HIPK2: variants seen among roughly 807,000 people sequenced by gnomAD.
HIPK2 encodes the protein homeodomain interacting protein kinase 2, also known as homeodomain-interacting protein kinase 2.
HIPK2 carries 27 observed loss-of-function variants against 113.7 expected under a neutral mutation model. The observed-to-expected ratio is 0.24, with a 90% CI of 0.17 to 0.33. The LOEUF is 0.33. Ranked by LOEUF, HIPK2 falls within the 10% of genes least tolerant of loss-of-function variation. The pLI, the probability that HIPK2 is intolerant of heterozygous loss-of-function variation, is 1.00. For synonymous variants in HIPK2, 631 were observed against 642.2 expected, an observed-to-expected ratio of 0.98 and a Z score of 0.26; for missense variants, 1,257 against 1,588.0, an observed-to-expected ratio of 0.79 and a Z score of 3.54.
chr7:139,576,954 C>T (rs1033842400), intron 13 of HIPK2, among the ~76,000 whole-genome samples: 1 of 152,298 alleles, frequency 6.6e-6, no homozygotes, highest in African/African-American at 2.4e-5. Context: ...CCCCATGTCC[C>T]TGTGCCTCAG....
chr7:139,604,281 A>G, intron 9 of HIPK2, 58 bp from the exon 10 acceptor site: 6 of 1,557,812 alleles, frequency 3.9e-6, no homozygotes, highest in Non-Finnish European at 5.2e-6. Context: ...ATTGATTTGC[A>G]TGAACCCACA....
At chr7:139,654,691 C>A (rs1801594233) in intron 2 of HIPK2, among the ~76,000 whole-genome samples, 1 of 152,066 alleles carries the variant, frequency 6.6e-6, no homozygotes, top group East Asian at 1.9e-4. Context: ...CAGTCAGTAG[C>A]AAGATAACAA....
chr7:139,711,773 C>T (rs1027471706), intron 2 of HIPK2, among the ~76,000 whole-genome samples: 4 of 151,720 alleles, frequency 2.6e-5, no homozygotes, highest in Non-Finnish European at 4.4e-5. Context: ...TAAAAACAAA[C>T]AAAATGAACT....
chr7:139,588,679 A>G (rs1798917832), intron 12 of HIPK2, among the ~76,000 whole-genome samples: 2 of 152,174 alleles, frequency 1.3e-5, no homozygotes, highest in African/African-American at 4.8e-5. Flanking sequence ...CTGGAGGCTG[A>G]GGACGAGGAG....
At position 139,593,472 on chromosome 7, in the gene HIPK2, G is replaced by T. The variant is rs1799093897; in HGVS notation, c.2717+3245C>A. On this transcript the variant is annotated intron_variant, in intron 12 of 14. Transcript: ENST00000406875. The stretch of plus-strand genomic sequence containing the variant: ...CTGTGCAACCAACAGTGCCACATAC[G>T]TGGGGTCAGGAATAATGATTTTGCA... 2.0e-5 allele frequency among the ~76,000 whole-genome samples: 3 copies of T among 152,212 alleles called. 1 individual carries two copies. The highest frequency in any genetic ancestry group is 4.1e-4 in the South Asian group (2 of 4,826).
intron 2 of HIPK2, among the ~76,000 whole-genome samples, chr7:139,663,005 T>A (rs1264580193): frequency 6.6e-6 from 1 of 152,168 alleles, no homozygotes; most frequent in Non-Finnish European, 1.5e-5. Context: ...GGGCTCTCCA[T>A]CATCAGACCC....
In HIPK2 at chr7:139,630,355, C is replaced by G. The variant is rs1485616645; in HGVS notation, c.1347+810G>C. Reference sequence around the variant, plus strand: ...CCCCTCTCCCTAACCCCCATCACCCCAGCCGCCACCCCACACTTCTATACT... The same window carrying G: ...CCCCTCTCCCTAACCCCCATCACCCGAGCCGCCACCCCACACTTCTATACT... On this transcript the variant is annotated intron_variant, in intron 4 of 14. Transcript: ENST00000406875. The surrounding 1 kb of genome is among the most constrained non-coding windows in gnomAD (Gnocchi z 4.0). 1.3e-5 allele frequency among the ~76,000 whole-genome samples: 2 copies of G among 152,116 alleles called. No homozygotes were observed. The highest frequency in any genetic ancestry group is 2.9e-5 in the Non-Finnish European group (2 of 68,018).
chr7:139,573,452 G>C, intron 14 of HIPK2, 55 bp from the exon 15 acceptor site: 1 of 1,535,562 alleles, frequency 6.5e-7, no homozygotes. Flanking sequence ...GGGGAGGAAG[G>C]AATGGGAGGA....
intron 1 of HIPK2, among the ~76,000 whole-genome samples, chr7:139,747,305 T>G (rs1796205500): frequency 6.6e-6 from 1 of 152,194 alleles, no homozygotes; most frequent in Non-Finnish European, 1.5e-5. Flanking sequence ...AAGTCTAGTA[T>G]GACAGACTCA....
chr7:139,584,278 T>A (rs1344595551), intron 12 of HIPK2, among the ~76,000 whole-genome samples: 1 of 152,088 alleles, frequency 6.6e-6, no homozygotes, highest in African/African-American at 2.4e-5. Context: ...GAGAAGGGGC[T>A]GGTGCTGGAC....
intron 9 of HIPK2, among the ~76,000 whole-genome samples, chr7:139,612,542 A>G (rs1014372946): frequency 1.3e-5 from 2 of 152,204 alleles, no homozygotes; most frequent in African/African-American, 4.8e-5. Context: ...CATTGTGGGG[A>G]TTAAATCAAT....
chr7:139,728,171 G>C (rs2117014298), intron 1 of HIPK2, among the ~76,000 whole-genome samples: 1 of 152,130 alleles, frequency 6.6e-6, no homozygotes, highest in Non-Finnish European at 1.5e-5. Flanking sequence ...TCGAACTCCT[G>C]GGCTCAAGCG....
At chr7:139,766,386 T>C (rs1042726012) in intron 1 of HIPK2, among the ~76,000 whole-genome samples, 11 of 152,376 alleles carry the variant, frequency 7.2e-5, no homozygotes, top group Admixed American at 7.2e-4. Context: ...CAAAGGGGAC[T>C]CATGGCTTGG....
intron 1 of HIPK2, among the ~76,000 whole-genome samples, chr7:139,754,167 G>C (rs2117118794): frequency 6.6e-6 from 1 of 152,352 alleles, no homozygotes; most frequent in East Asian, 1.9e-4. Flanking sequence ...AAACAGGCCT[G>C]AATGGGAGGG....
chr7:139,692,106 G>A (rs1001749360), intron 2 of HIPK2, among the ~76,000 whole-genome samples: 1 of 152,162 alleles, frequency 6.6e-6, no homozygotes, highest in African/African-American at 2.4e-5. Flanking sequence ...CAGCTTTTTG[G>A]TTTTCTAAAA....
At chr7:139,635,715 G>A (rs952838346) in intron 2 of HIPK2, among the ~76,000 whole-genome samples, 2 of 152,088 alleles carry the variant, frequency 1.3e-5, no homozygotes, top group African/African-American at 4.8e-5. Flanking sequence ...CTGATGCTGC[G>A]AAAGCCACAT....
intron 2 of HIPK2, among the ~76,000 whole-genome samples, chr7:139,649,893 T>C (rs1386098325): frequency 6.6e-6 from 1 of 152,118 alleles, no homozygotes; most frequent in Admixed American, 6.5e-5. Flanking sequence ...CAGACAGGGG[T>C]AAGCAGCAAG....
At chr7:139,653,623 G>A (rs1801544521) in intron 2 of HIPK2, among the ~76,000 whole-genome samples, 1 of 151,914 alleles carries the variant, frequency 6.6e-6, no homozygotes, top group Admixed American at 6.6e-5. Context: ...CTGGTGTGAT[G>A]AAAATCGCCA....
At chr7:139,625,906 G>T (rs1242499153) in intron 6 of HIPK2, among the ~76,000 whole-genome samples, 1 of 152,128 alleles carries the variant, frequency 6.6e-6, no homozygotes, top group Non-Finnish European at 1.5e-5. Context: ...ACTCTGGGAA[G>T]GTTCTGGGAG....
Sources: gnomAD v4.1 joint callset for allele counts (sites outside exome capture counted in the v4.1 genomes callset) on GRCh38, gnomAD v4.1.1 for gene constraint, Gnocchi (gnomAD v3.1) non-coding constraint, MANE v1.5 for transcripts, NCBI Gene and HGNC (gene_info 2026-07-23, HGNC 2026-07-21) for gene names.